The following PDILT variants were observed in gnomAD, a reference collection of about 807,000 sequenced individuals.
The protein encoded by PDILT is protein disulfide isomerase like, testis expressed.
Under a neutral mutation model 53.7 loss-of-function variants are expected in PDILT, and 43 were observed. The ratio of observed to expected loss-of-function variants is 0.80; its 90% CI spans 0.63 to 1.03. The LOEUF (loss-of-function observed/expected upper bound fraction) is 1.03, where lower values mean the gene tolerates loss of function less well. Ranked by LOEUF, PDILT falls within the 50% of genes least tolerant of loss-of-function variation. PDILT has a pLI of 0.00. For missense variants in PDILT, 727 were observed against 712.3 expected (o/e 1.02, Z -0.24); for synonymous variants, 282 against 274.2 (o/e 1.03, Z -0.28).
chr16:20,363,918 C>T (rs989182850), intron 9 of PDILT, among the ~76,000 whole-genome samples: 5 of 152,156 alleles, frequency 3.3e-5, no homozygotes, highest in African/African-American at 4.8e-5. Context: ...ATCTTTCCTG[C>T]TTTCCTTCTA....
At chr16:20,372,404 C>A (rs1232339196) in intron 7 of PDILT, among the ~76,000 whole-genome samples, 1 of 152,206 alleles carries the variant, frequency 6.6e-6, no homozygotes, top group Non-Finnish European at 1.5e-5. Context: ...CACCTTCAGG[C>A]TTTCATAGTC....
rs183324702 is a variant in PDILT at position 20,398,548 on chromosome 16, G to A, written c.202+551C>T. ...CAGATGTATGAGGCATGAGAATCGC[G>A]TGAACACAGGAGGTGGAGGTTGCAG... On this transcript the variant is annotated intron_variant, in intron 2 of 11. Coordinates refer to ENST00000302451, the MANE Select transcript of PDILT (RefSeq NM_174924.2). Among the ~76,000 whole-genome samples, 184 of 152,212 alleles carry A rather than the reference G, an allele frequency of 1.2e-3. 1 individual carries two copies. Among genetic ancestry groups the A allele is most frequent in the Non-Finnish European group, 1.2e-3 (81 of 68,000 alleles).
At chr16:20,367,047 CTTTCTTTCT>C (rs1418712763) in intron 8 of PDILT, among the ~76,000 whole-genome samples, 2 of 61,258 alleles carry the variant, frequency 3.3e-5, no homozygotes, top group Admixed American at 3.3e-4. Flanking sequence ...TTCTTTCTTT[CTTTCTTTCT>C]TTCTTTCTTT....
At chr16:20,367,289 A>C (rs1300718195) in intron 8 of PDILT, among the ~76,000 whole-genome samples, 1 of 151,890 alleles carries the variant, frequency 6.6e-6, no homozygotes, top group African/African-American at 2.4e-5. Flanking sequence ...TTTTTAGTAG[A>C]GACGGGGTTT....
chr16:20,371,096 A>C (rs1272606264), intron 7 of PDILT, among the ~76,000 whole-genome samples: 2 of 152,184 alleles, frequency 1.3e-5, no homozygotes, highest in African/African-American at 4.8e-5. Flanking sequence ...CACGAGATCC[A>C]AGAACCCTCT....
At chr16:20,395,118 G>A (rs1047374117) in intron 2 of PDILT, among the ~76,000 whole-genome samples, 1 of 152,154 alleles carries the variant, frequency 6.6e-6, no homozygotes, top group African/African-American at 2.4e-5. Flanking sequence ...GAACTAATAA[G>A]ATGCTTGACA....
chr16:20,371,382 C>T (rs916197291), intron 7 of PDILT, among the ~76,000 whole-genome samples: 1 of 152,208 alleles, frequency 6.6e-6, no homozygotes, highest in African/African-American at 2.4e-5. Flanking sequence ...GGGTCAGATA[C>T]TTGCAGTTCA....
At chr16:20,403,931 G>T (rs574724854) in intron 1 of PDILT, among the ~76,000 whole-genome samples, 43 of 152,112 alleles carry the variant, frequency 2.8e-4, no homozygotes, top group Middle Eastern at 3.4e-3. Context: ...TCGAATCCAC[G>T]CTCATCAGAA....
chr16:20,401,173 C>CTCAT (rs1467380031), intron 1 of PDILT, among the ~76,000 whole-genome samples: 2 of 152,188 alleles, frequency 1.3e-5, no homozygotes, highest in Admixed American at 1.3e-4. Flanking sequence ...AGCCAAAGGG[C>CTCAT]TCATTACTGT....
At chr16:20,393,112 T>A (rs1032774512) in intron 2 of PDILT, among the ~76,000 whole-genome samples, 3 of 152,198 alleles carry the variant, frequency 2.0e-5, no homozygotes, top group African/African-American at 7.2e-5. Flanking sequence ...ACCATTAGTT[T>A]ACCAATTCCA....
At position 20,359,224 on chromosome 16, in the gene PDILT, A is replaced by G. The variant is rs1966061753; in HGVS notation, c.*95T>C. ...CCCCTACCCCCGCCCCACCTACCCT[A>G]CCACAATGATATATGCTTTTATTGG... On this transcript the variant is annotated 3_prime_UTR_variant, in exon 12 of 12. Transcript: ENST00000302451. The G allele has an allele frequency of 1.1e-5, 17 of 1,542,556 alleles. No homozygotes were observed. Among genetic ancestry groups the G allele is most frequent in the South Asian group, 1.0e-4 (8 of 77,192 alleles).
intron 7 of PDILT, among the ~76,000 whole-genome samples, chr16:20,371,561 C>T (rs147954867): frequency 3.0e-4 from 46 of 152,316 alleles, no homozygotes; most frequent in African/African-American, 1.1e-3. Context: ...GAGGTGCAAT[C>T]TGTTGAAACA....
At chr16:20,398,688 C>T (rs1468490343) in intron 2 of PDILT, among the ~76,000 whole-genome samples, 1 of 152,092 alleles carries the variant, frequency 6.6e-6, no homozygotes, top group Non-Finnish European at 1.5e-5. Flanking sequence ...CCCAGGCTGC[C>T]ATCATTTATT....
At chr16:20,385,289 C>A (rs997094851) in intron 2 of PDILT, among the ~76,000 whole-genome samples, 4 of 152,140 alleles carry the variant, frequency 2.6e-5, no homozygotes, top group Non-Finnish European at 5.9e-5. Flanking sequence ...TTATTATTAT[C>A]TCAATTTTAT....
chr16:20,362,499 T>A lies in PDILT; in HGVS notation c.1321A>T (p.Ile441Phe), dbSNP rs775966813. 6.2e-7 allele frequency: 1 copy of A among 1,614,204 alleles called. No homozygotes were observed. Among genetic ancestry groups the A allele is most frequent in the Middle Eastern group, 1.6e-4 (1 of 6,062 alleles). ...GCTGTGACATCGATCTTGGCAATGA[T>A]AATTGTGGAGTGGTTTTGATATTTT... ...GRKYQNHSTI[I>F]IAKIDVTAND... The change falls in exon 10 of 12, where the codon ATC (isoleucine) becomes TTC (phenylalanine). Residue 441 changes from isoleucine (I) to phenylalanine (F), a missense_variant. Ile to Phe is a conservative substitution (Grantham distance 21). Coordinates refer to ENST00000302451, the MANE Select transcript of PDILT (RefSeq NM_174924.2).
intron 8 of PDILT, among the ~76,000 whole-genome samples, chr16:20,367,866 A>G (rs1292003296): frequency 1.3e-5 from 2 of 152,144 alleles, no homozygotes; most frequent in Non-Finnish European, 2.9e-5. Context: ...CCTCGTGGTG[A>G]TGTTGGTCTG....
rs140459614 is a variant in PDILT at position 20,377,214 on chromosome 16, G to T, written c.410-1013C>A. 9.5e-3 allele frequency among the ~76,000 whole-genome samples: 1,441 copies of T among 152,282 alleles called. 29 individuals carry two copies. The highest frequency in any genetic ancestry group is 0.032 in the African/African-American group (1,345 of 41,548). On this transcript the variant is annotated intron_variant, in intron 3 of 11. Transcript: ENST00000302451. ...GAGGCAGAAGGATTGCTTGAGCCCAGGAGTTCAAGGCTGCAGTGAGCTACA... is the reference window on the plus strand; with the variant it reads ...GAGGCAGAAGGATTGCTTGAGCCCATGAGTTCAAGGCTGCAGTGAGCTACA...
intron 3 of PDILT, among the ~76,000 whole-genome samples, chr16:20,378,311 C>T (rs998692191): frequency 1.3e-5 from 2 of 152,214 alleles, no homozygotes; most frequent in African/African-American, 4.8e-5. Flanking sequence ...ACCAGATCCT[C>T]AGCAGTCCCT....
At chr16:20,392,250 G>A (rs1182577174) in intron 2 of PDILT, among the ~76,000 whole-genome samples, 3 of 152,150 alleles carry the variant, frequency 2.0e-5, no homozygotes, top group Non-Finnish European at 2.9e-5. Context: ...GTGGATGGTG[G>A]TACTTTCAGT....
Sources: allele counts gnomAD v4.1 joint callset (sites outside exome capture counted in the v4.1 genomes callset), GRCh38; gene constraint gnomAD v4.1.1; transcripts MANE v1.5; gene names NCBI Gene and HGNC (gene_info 2026-07-23, HGNC 2026-07-21).